The following MAX variants were observed in gnomAD, a reference collection of about 807,000 sequenced individuals.
MAX encodes the protein MYC associated transcriptional regulator X.
MAX carries 3 observed loss-of-function variants against 22.3 expected under a neutral mutation model. The observed-to-expected ratio is 0.13, with a 90% CI of 0.06 to 0.35. MAX has a LOEUF of 0.35. Among genes scored for constraint, MAX ranks in the 10% least tolerant of loss-of-function variants. The probability of loss-of-function intolerance (pLI) is 1.00; values close to 1 mark genes in which losing one functional copy is unlikely to be tolerated. For synonymous variants in MAX, 72 were observed against 77.7 expected, an observed-to-expected ratio of 0.93 and a Z score of 0.39; for missense variants, 119 against 209.4, an observed-to-expected ratio of 0.57 and a Z score of 2.66.
At chr14:65,026,470 A>AGT (rs1341977320) in intron 3 of MAX, among the ~76,000 whole-genome samples, 1 of 152,200 alleles carries the variant, frequency 6.6e-6, no homozygotes, top group Non-Finnish European at 1.5e-5. Flanking sequence ...ACGGCGAGTC[A>AGT]GTGCAGCTCC....
At position 65,078,150 on chromosome 14, in the gene MAX, G is replaced by A. The variant is rs2063110184; in HGVS notation, c.172-114C>T. On this transcript the variant is annotated intron_variant, in intron 3 of 4. Transcript: ENST00000358664. This position sits in a 1 kb window ranked among gnomAD's most constrained non-coding sequence, Gnocchi z 6.4. ...GGCTGGAAACGAGAGGGTAAGGTGG[G>A]AAAAGGCTGAAGAAATACAATAATG... The A allele has an allele frequency of 2.8e-6, 3 of 1,090,594 alleles. No individual in the cohort carries two copies. Among genetic ancestry groups the A allele is most frequent in the African/African-American group, 3.1e-5 (2 of 64,526 alleles). 67.6% of individuals were successfully genotyped at this position (1,090,594 alleles called of 1,614,324 possible). A position where few individuals can be genotyped will look rare whatever the true frequency, so the allele number is the denominator to read the frequency against.
chr14:65,043,770 C>T (rs560777677), intron 3 of MAX, among the ~76,000 whole-genome samples: 20 of 133,194 alleles, frequency 1.5e-4, no homozygotes, highest in African/African-American at 5.1e-4. Flanking sequence ...TGCAGTGAGC[C>T]GAGATTGCGC....
rs1024327301 is a variant in MAX at position 65,088,173 on chromosome 14, G to A, written c.171+5535C>T. 2.0e-5 allele frequency among the ~76,000 whole-genome samples: 3 copies of A among 152,082 alleles called. No individual in the cohort carries two copies. Among genetic ancestry groups the A allele is most frequent in the Non-Finnish European group, 4.4e-5 (3 of 68,010 alleles). On this transcript the variant is annotated intron_variant, in intron 3 of 4. Coordinates refer to ENST00000358664, the MANE Select transcript of MAX (RefSeq NM_002382.5). The surrounding 1 kb of genome is among the most constrained non-coding windows in gnomAD (Gnocchi z 5.2). Reference sequence around the variant, plus strand: ...TCAGGTATGTCTTTATCAGCAGCACGAAAACGGACTAATACAAGGGTGTAT... The same window carrying A: ...TCAGGTATGTCTTTATCAGCAGCACAAAAACGGACTAATACAAGGGTGTAT...
At position 65,084,057 on chromosome 14, in the gene MAX, G is replaced by C; in HGVS notation, c.172-6021C>G. The C allele has an allele frequency of 6.3e-7, 1 of 1,594,946 alleles. No individual in the cohort carries two copies. On this transcript the variant is annotated intron_variant, in intron 3 of 4. Coordinates refer to ENST00000358664, the MANE Select transcript of MAX (RefSeq NM_002382.5). The surrounding 1 kb of genome is among the most constrained non-coding windows in gnomAD (Gnocchi z 4.3). ...GCTCCTTGAAGGCTTCCTGCTGCCA[G>C]GGCCTCCCCAGCCACAGGACCATTT...
At chr14:65,061,333 T>A in intron 3 of MAX, 1 of 1,612,980 alleles carries the variant, frequency 6.2e-7, no homozygotes, top group Middle Eastern at 1.9e-4. Context: ...TCCCGGCAGC[T>A]CTTTGCTCAC....
chr14:65,076,796 T>C lies in MAX; in HGVS notation c.296-133A>G. The C allele has an allele frequency of 3.0e-6, 3 of 1,014,134 alleles. No homozygotes were observed. Among genetic ancestry groups the C allele is most frequent in the Non-Finnish European group, 4.6e-6 (3 of 649,166 alleles). 62.8% of individuals were successfully genotyped at this position (1,014,134 alleles called of 1,614,324 possible). On this transcript the variant is annotated intron_variant, in intron 4 of 4. Coordinates refer to ENST00000358664, the MANE Select transcript of MAX (RefSeq NM_002382.5). The surrounding 1 kb of genome is among the most constrained non-coding windows in gnomAD (Gnocchi z 6.6). Reference sequence around the variant, plus strand: ...CCCCGAGGCTCAAGATGCTCAGAAGTAGCTCCCTTCGGGTGGCTGTTCACT... The same window carrying C: ...CCCCGAGGCTCAAGATGCTCAGAAGCAGCTCCCTTCGGGTGGCTGTTCACT...
intron 3 of MAX, among the ~76,000 whole-genome samples, chr14:65,051,574 G>A (rs1235951532): frequency 1.3e-5 from 2 of 151,244 alleles, no homozygotes; most frequent in Non-Finnish European, 2.9e-5. Context: ...TCGTGCCATT[G>A]CCCTCCAACC....
At position 65,012,083 on chromosome 14, in the gene MAX, C is replaced by A; in HGVS notation, c.172-5799G>T. The stretch of plus-strand genomic sequence containing the variant: ...TCACTGCCTTTAGGAGACAATCGCA[C>A]TCTAAATGTCAGCTGGCATGGTTTT... On this transcript the variant is annotated intron_variant, in intron 3 of 3. Coordinates refer to the MAX transcript ENST00000341653. This position sits in a 1 kb window ranked among gnomAD's most constrained non-coding sequence, Gnocchi z 5.0. The A allele has an allele frequency of 2.1e-6, 1 of 487,544 alleles. No individual in the cohort carries two copies. Among genetic ancestry groups the A allele is most frequent in the African/African-American group, 2.0e-5 (1 of 51,208 alleles). The allele number at this position is 487,544 out of a possible 1,614,324, so 30.2% of individuals were successfully genotyped here. A position where few individuals can be genotyped will look rare whatever the true frequency, so the allele number is the denominator to read the frequency against.
At chr14:65,083,823 G>C (rs1318538226) in intron 3 of MAX, 7 of 1,148,988 alleles carry the variant, frequency 6.1e-6, no homozygotes, top group Non-Finnish European at 7.5e-6. Flanking sequence ...ACCTGTGTAA[G>C]CTTTTACACA....
downstream of MAX, among the ~76,000 whole-genome samples, chr14:65,074,643 A>G (rs538594563): frequency 8.5e-5 from 13 of 152,364 alleles, no homozygotes; most frequent in Admixed American, 2.6e-4. Flanking sequence ...GTTGGGTCCC[A>G]GTCTGAGTAG....
downstream of MAX, among the ~76,000 whole-genome samples, chr14:65,072,888 T>C (rs1280904555): frequency 6.6e-6 from 1 of 152,148 alleles, no homozygotes; most frequent in Non-Finnish European, 1.5e-5. Flanking sequence ...CTTGCTCTCT[T>C]TAGTCACTGT....
rs760248675 is a variant in MAX at position 65,102,319 on chromosome 14, G to T, written c.21C>A (p.Ile7=). 19 of 1,613,740 alleles carry T rather than the reference G, an allele frequency of 1.2e-5. No homozygotes were observed. Among genetic ancestry groups the T allele is most frequent in the Non-Finnish European group, 1.4e-5 (17 of 1,179,818 alleles). Reference sequence around the variant, plus strand: ...CAGGACTCACGTCGCTCTCCACCTCGATGTCATCGTTATCGCTCATTTCCT... The same window carrying T: ...CAGGACTCACGTCGCTCTCCACCTCTATGTCATCGTTATCGCTCATTTCCT... MSDNDD[I]EVESDEEQPR... The change falls in exon 1 of 5, where the codon ATC becomes ATA. Residue 7 remains isoleucine, a synonymous_variant. Transcript: ENST00000358664.
At chr14:65,100,153 TA>T (rs1277886536) in intron 2 of MAX, among the ~76,000 whole-genome samples, 1 of 152,166 alleles carries the variant, frequency 6.6e-6, no homozygotes, top group African/African-American at 2.4e-5. Context: ...TAATCTTTCT[TA>T]AAAAATAGGA....
chr14:65,006,945 A>G (rs953905505), intron 3 of MAX, among the ~76,000 whole-genome samples: 1 of 151,454 alleles, frequency 6.6e-6, no homozygotes, highest in Non-Finnish European at 1.5e-5. Flanking sequence ...TATGGGTGGG[A>G]AAAAAAAAGT....
chr14:65,089,756 T>TAAAAAAAAAAAA (rs55883101), intron 3 of MAX, among the ~76,000 whole-genome samples: 1 of 36,138 alleles, frequency 2.8e-5, no homozygotes, highest in Non-Finnish European at 5.8e-5. Context: ...AGCATCTCTG[T>TAAAAAAAAAAAA]AAAAAAAAAA....
At chr14:65,018,145 C>G (rs2139535593) in intron 3 of MAX, among the ~76,000 whole-genome samples, 1 of 152,034 alleles carries the variant, frequency 6.6e-6, no homozygotes, top group Non-Finnish European at 1.5e-5. Flanking sequence ...AATTCAAGAC[C>G]AGTCTGGGCG....
At chr14:65,017,530 G>A (rs553872451) in intron 3 of MAX, among the ~76,000 whole-genome samples, 27 of 152,312 alleles carry the variant, frequency 1.8e-4, no homozygotes, top group African/African-American at 6.3e-4. Context: ...TATAGTGAAG[G>A]CTTTTCTGAG....
At chr14:65,015,517 C>G (rs113774465) in intron 3 of MAX, 5 of 1,024,150 alleles carry the variant, frequency 4.9e-6, no homozygotes, top group Non-Finnish European at 5.6e-6. Flanking sequence ...GCAAGGGTGC[C>G]CTCCTCCCCC....
In MAX at chr14:65,040,016, C is replaced by G. The variant is rs145742059; in HGVS notation, c.172-33732G>C. Among the ~76,000 whole-genome samples, 298 of 152,002 alleles carry G rather than the reference C, an allele frequency of 2.0e-3. 2 individuals carry two copies. Among genetic ancestry groups the G allele is most frequent in the African/African-American group, 6.9e-3 (285 of 41,462 alleles). The stretch of plus-strand genomic sequence containing the variant: ...CCAGCCTGGGTAACATGGCAATGCC[C>G]CATCTCTACAAAAAATACAAAAAAT... On this transcript the variant is annotated intron_variant, in intron 3 of 3. Coordinates refer to the MAX transcript ENST00000341653.
Sources: gnomAD v4.1 joint callset for allele counts (sites outside exome capture counted in the v4.1 genomes callset) on GRCh38, gnomAD v4.1.1 for gene constraint, Gnocchi (gnomAD v3.1) non-coding constraint, MANE v1.5 for transcripts, NCBI Gene and HGNC (gene_info 2026-07-23, HGNC 2026-07-21) for gene names.